Variants in PCDHGA4 observed in about 807,000 individuals in gnomAD.
The protein encoded by PCDHGA4 is protocadherin gamma subfamily A, 4, also known as protocadherin gamma-A4.
Under a neutral mutation model 54.6 loss-of-function variants are expected in PCDHGA4, and 38 were observed. That is an observed-to-expected ratio of 0.70 (90% confidence interval 0.54 to 0.91). PCDHGA4 has a LOEUF of 0.91. PCDHGA4 is among the 40% of genes least tolerant of loss of function. The pLI, the probability that PCDHGA4 is intolerant of heterozygous loss-of-function variation, is 0.00. For synonymous variants in PCDHGA4, 511 were observed against 512.9 expected, an observed-to-expected ratio of 1.00 and a Z score of 0.05; for missense variants, 1,298 against 1,220.9, an observed-to-expected ratio of 1.06 and a Z score of -0.94.
At chr5:141,474,652 T>C (rs962582027) in intron 1 of PCDHGA4, among the ~76,000 whole-genome samples, 1 of 152,206 alleles carries the variant, frequency 6.6e-6, no homozygotes, top group African/African-American at 2.4e-5. Context: ...TCCTTACTTC[T>C]TTTCTACCTA....
In PCDHGA4 at chr5:141,430,181, T is replaced by A. The variant is rs561671481; in HGVS notation, c.2515-64626T>A. ...TCTATTTAAAAATATTTTCCCCAAA[T>A]TATAGCTGAATCAGAAAGTTTAAAT... On this transcript the variant is annotated intron_variant, in intron 1 of 3. Transcript: ENST00000571252. 2.0e-5 allele frequency among the ~76,000 whole-genome samples: 3 copies of A among 152,252 alleles called. No homozygotes were observed. The South Asian group carries it at 6.2e-4, about 32-fold the overall frequency.
At chr5:141,397,277 C>A (rs920366365) in intron 1 of PCDHGA4, among the ~76,000 whole-genome samples, 1 of 151,970 alleles carries the variant, frequency 6.6e-6, no homozygotes. Flanking sequence ...ATCATATGGG[C>A]AGTATACTTG....
intron 1 of PCDHGA4, chr5:141,423,481 C>G: frequency 6.2e-7 from 1 of 1,613,908 alleles, no homozygotes; most frequent in South Asian, 1.1e-5. Context: ...GGCTTTCCTG[C>G]AAACCTATTC....
intron 1 of PCDHGA4, chr5:141,413,152 G>C: frequency 1.3e-6 from 2 of 1,574,694 alleles, no homozygotes; most frequent in Non-Finnish European, 1.7e-6. Flanking sequence ...TGAGGACTTT[G>C]CAGAATTCTG....
intron 1 of PCDHGA4, among the ~76,000 whole-genome samples, chr5:141,467,075 C>A (rs2099136382): frequency 6.9e-6 from 1 of 145,470 alleles, no homozygotes; most frequent in Non-Finnish European, 1.5e-5. Flanking sequence ...TTTTTTTAGA[C>A]CAAGTCTCAC....
intron 1 of PCDHGA4, chr5:141,375,760 G>T (rs779640846): frequency 1.2e-6 from 2 of 1,614,118 alleles, no homozygotes; most frequent in Admixed American, 1.7e-5. Context: ...ATGACAATGC[G>T]CCCGAGATCC....
chr5:141,465,800 C>G (rs1486100601), intron 1 of PCDHGA4, among the ~76,000 whole-genome samples: 2 of 151,524 alleles, frequency 1.3e-5, no homozygotes, highest in East Asian at 3.9e-4. Flanking sequence ...TTTAAGAAAC[C>G]CTTCAGGATC....
chr5:141,425,348 A>C (rs2096869744), intron 1 of PCDHGA4, among the ~76,000 whole-genome samples: 1 of 152,242 alleles, frequency 6.6e-6, no homozygotes, highest in Non-Finnish European at 1.5e-5. Context: ...GTTGGCTTTG[A>C]AATGTGATAT....
At chr5:141,422,374 G>A (rs1268014814) in intron 1 of PCDHGA4, 1 of 1,570,452 alleles carries the variant, frequency 6.4e-7, no homozygotes, top group Non-Finnish European at 8.6e-7. Flanking sequence ...AAATGGTCAA[G>A]TCTCCTGTTT....
At position 141,491,894 on chromosome 5, in the gene PCDHGA4, C is replaced by T. The variant is rs1209251388; in HGVS notation, c.2515-2913C>T. The T allele has an allele frequency of 1.5e-5, 22 of 1,434,752 alleles. No individual in the cohort carries two copies. Among genetic ancestry groups the T allele is most frequent in the Admixed American group, 2.9e-5 (1 of 34,278 alleles). 88.9% of individuals were successfully genotyped at this position (1,434,752 alleles called of 1,614,324 possible). The stretch of plus-strand genomic sequence containing the variant: ...GCCGATTAAGGGATGGGGCTCCGAG[C>T]ACCGGGGGTGGTGGCGACTGTGGGC... On this transcript the variant is annotated intron_variant, in intron 1 of 3. Transcript: ENST00000571252. The surrounding 1 kb of genome is among the most constrained non-coding windows in gnomAD (Gnocchi z 6.9).
chr5:141,413,900 AC>A, intron 1 of PCDHGA4: 1 of 1,613,126 alleles, frequency 6.2e-7, no homozygotes. Flanking sequence ...GCAAATGACA[AC>A]GCGCCGGTCT....
intron 2 of PCDHGA4, among the ~76,000 whole-genome samples, chr5:141,497,962 G>A (rs2099780751): frequency 6.6e-6 from 1 of 152,236 alleles, no homozygotes; most frequent in African/African-American, 2.4e-5. Context: ...TGGCCAGGCA[G>A]TGTTCTCGAT....
rs978782104 is a variant in PCDHGA4 at position 141,431,445 on chromosome 5, G to C, written c.2515-63362G>C. 1 of 1,613,742 alleles carries C rather than the reference G, an allele frequency of 6.2e-7. No homozygotes were observed. On this transcript the variant is annotated intron_variant, in intron 1 of 3. Transcript: ENST00000571252. This position sits in a 1 kb window ranked among gnomAD's most constrained non-coding sequence, Gnocchi z 4.8. ...GTGCGCACAGGCACCGCGCGCATCC[G>C]CGTGATGGTTCTGGATGCGAACGAC...
chr5:141,373,632 T>C (rs1769740569), intron 1 of PCDHGA4, among the ~76,000 whole-genome samples: 1 of 152,264 alleles, frequency 6.6e-6, no homozygotes, highest in African/African-American at 2.4e-5. Context: ...ATATTATTTC[T>C]GTTCCCCAAG....
intron 1 of PCDHGA4, chr5:141,389,913 C>A (rs751155354): frequency 6.2e-7 from 1 of 1,614,092 alleles, no homozygotes; most frequent in Non-Finnish European, 8.5e-7. Context: ...CACTGACCGC[C>A]CCGACCCCTC....
intron 1 of PCDHGA4, chr5:141,420,114 A>G: frequency 6.2e-7 from 1 of 1,614,032 alleles, no homozygotes; most frequent in Non-Finnish European, 8.5e-7. Context: ...CCCTATGCCT[A>G]TAATTTTTGT....
At position 141,355,328 on chromosome 5, in the gene PCDHGA4, C is replaced by T; in HGVS notation, c.221C>T (p.Ser74Leu). ...GTGTTTGAGGAGCAGGAAGAAGGCT[C>T]AGTGGTGGGCAACATCGCCAAGGAC... is the stretch of plus-strand genomic sequence containing the variant. ...YSVFEEQEEG[S>L]VVGNIAKDLG... Residue 74 changes from serine (S) to leucine (L), a missense_variant, in exon 1 of 4, where the codon TCA becomes TTA. Ser to Leu is a moderately radical substitution (Grantham distance 145). Coordinates refer to ENST00000571252, the MANE Select transcript of PCDHGA4 (RefSeq NM_018917.4). The T allele has an allele frequency of 6.2e-7, 1 of 1,613,960 alleles. No homozygotes were observed. The highest frequency in any genetic ancestry group is 2.2e-5 in the East Asian group (1 of 44,866).
At chr5:141,440,887 G>C (rs1423303973) in intron 1 of PCDHGA4, 4 of 152,206 alleles carry the variant, frequency 2.6e-5, no homozygotes, top group Non-Finnish European at 5.9e-5. Context: ...TCGGCCTTCA[G>C]GAAGATGTGC....
intron 1 of PCDHGA4, chr5:141,366,049 G>C (rs542025009): frequency 1.2e-6 from 2 of 1,614,126 alleles, no homozygotes; most frequent in Non-Finnish European, 1.7e-6. Flanking sequence ...ACGGTTCCAC[G>C]GGCGTGGAGC....
Sources: gnomAD v4.1 joint callset for allele counts (sites outside exome capture counted in the v4.1 genomes callset) on GRCh38, gnomAD v4.1.1 for gene constraint, Gnocchi (gnomAD v3.1) non-coding constraint, MANE v1.5 for transcripts, NCBI Gene and HGNC (gene_info 2026-07-23, HGNC 2026-07-21) for gene names.